NCSTN: variants seen among roughly 807,000 people sequenced by gnomAD.
NCSTN encodes the protein nicastrin.
A neutral mutation model predicts 87.0 loss-of-function variants in NCSTN; 22 were observed. The ratio of observed to expected loss-of-function variants is 0.25; its 90% CI spans 0.18 to 0.36. The LOEUF is 0.36. Ranked by LOEUF, NCSTN falls within the 10% of genes least tolerant of loss-of-function variation. The pLI is 1.00. For synonymous variants in NCSTN, 306 were observed against 327.1 expected (o/e 0.94, Z 0.69); for missense variants, 693 against 883.3 (o/e 0.78, Z 2.73).
intron 1 of NCSTN, chr1:160,344,378 A>T (rs1557880944): frequency 1.7e-6 from 2 of 1,173,072 alleles, no homozygotes; most frequent in Non-Finnish European, 2.3e-6. Context: ...TAATATACAT[A>T]CAGGATATAC....
chr1:160,343,629 A>T (rs1648247512), intron 1 of NCSTN, 148 bp downstream of exon 1: 2 of 832,128 alleles, frequency 2.4e-6, no homozygotes, highest in Non-Finnish European at 4.1e-6. Flanking sequence ...CCCACGACAG[A>T]AGTTCCCCCT....
intron 5 of NCSTN, 24 bp downstream of exon 5, chr1:160,350,274 C>A (rs1381432690): frequency 1.9e-6 from 3 of 1,612,382 alleles, no homozygotes; most frequent in African/African-American, 2.7e-5. Context: ...CAGCTCCTAG[C>A]AATTCCAGTT....
intron 2 of NCSTN, 147 bp from the exon 3 acceptor site, chr1:160,348,852 C>G (rs1170024365): frequency 8.9e-7 from 1 of 1,126,870 alleles, no homozygotes; most frequent in Non-Finnish European, 1.3e-6. Flanking sequence ...GCTGGGGCAA[C>G]AGCTTTTCAG....
At chr1:160,346,023 T>C (rs890036441) in intron 2 of NCSTN, among the ~76,000 whole-genome samples, 15 of 151,388 alleles carry the variant, frequency 9.9e-5, no homozygotes, top group African/African-American at 3.6e-4. Context: ...TTTTTAAAAC[T>C]TTTTTTCCTT....
intron 9 of NCSTN, 51 bp downstream of exon 9, chr1:160,353,042 T>TTGTTGTTC: frequency 6.3e-7 from 1 of 1,590,212 alleles, no homozygotes; most frequent in Non-Finnish European, 8.6e-7. Context: ...TCTTCCTCCT[T>TTGTTGTTC]TGTTGTTCTG....
intron 13 of NCSTN, 126 bp downstream of exon 13, chr1:160,356,084 C>A: frequency 1.9e-6 from 2 of 1,072,866 alleles, no homozygotes; most frequent in South Asian, 1.3e-5. Context: ...ATGCCTCATG[C>A]CCCAGAGAGC....
intron 2 of NCSTN, among the ~76,000 whole-genome samples, chr1:160,347,889 CAGG>C (rs1416267708): frequency 1.1e-4 from 17 of 152,168 alleles, no homozygotes; most frequent in Non-Finnish European, 1.8e-4. Flanking sequence ...ACTGGGATTA[CAGG>C]CATGAGCCAC....
rs1482312986 is a variant in NCSTN, at chr1:160,355,935, A to G, written c.1528A>G (p.Thr510Ala). The G allele has an allele frequency of 8.7e-6, 14 of 1,614,036 alleles. No homozygotes were observed. The Middle Eastern group carries it at 5.0e-4, about 57-fold the overall frequency. The change falls in exon 13 of 17, where the codon ACA becomes GCA. Residue 510 changes from threonine (T) to alanine (A), a missense_variant. Transcript: ENST00000294785. ...TGCAGGAGGAACCAACTTCAGCGAC[A>G]CAGTTCAGGCTGATCCCCAAACGGT... ...ELAGGTNFSD[T>A]VQADPQTVTR...
In NCSTN at chr1:160,343,475, C is replaced by T. The variant is rs1362324068; in HGVS notation, c.79C>T (p.Leu27=). 3 of 1,608,550 alleles carry T rather than the reference C, an allele frequency of 1.9e-6. No homozygotes were observed. The African/African-American group carries it at 4.0e-5, about 21-fold the overall frequency. The change falls in exon 1 of 17, where the codon CTA becomes TTA. Residue 27 remains leucine (L), a synonymous_variant. Coordinates refer to ENST00000294785, the MANE Select transcript of NCSTN (RefSeq NM_015331.3). ...LLRLLSFCVL[L]AGLCRGNSVE... ...TCGCCTTCTGTCTTTCTGCGTCCTA[C>T]TAGCAGGTGAGGCCTCCCCGCCCGT...
chr1:160,344,632 T>C, intron 1 of NCSTN, 90 bp from the exon 2 acceptor site: 1 of 1,573,738 alleles, frequency 6.4e-7, no homozygotes, highest in Admixed American at 1.9e-5. Flanking sequence ...ATTAAATGAT[T>C]TACCCAAGCC....
intron 2 of NCSTN, among the ~76,000 whole-genome samples, chr1:160,347,766 CACTT>C (rs1447357486): frequency 6.6e-6 from 1 of 152,206 alleles, no homozygotes; most frequent in Non-Finnish European, 1.5e-5. Flanking sequence ...TGCACCATCA[CACTT>C]GGCTAATTTT....
intron 2 of NCSTN, among the ~76,000 whole-genome samples, chr1:160,348,551 G>T (rs916993981): frequency 6.6e-6 from 1 of 152,152 alleles, no homozygotes; most frequent in African/African-American, 2.4e-5. Context: ...CCCAAAAAGG[G>T]CAAAAGGAAT....
rs1264489315 is a variant in NCSTN at position 160,352,872 on chromosome 1, AC to A, written c.997-13del. ...GGAATCTCTGTTCCCCCTCCCACCT[AC>A]CTCCATCTCTCAGGAAACTTTTGAC... On this transcript the variant is annotated splice_polypyrimidine_tract_variant and intron_variant, in intron 8 of 16. Transcript: ENST00000294785. The A allele has an allele frequency of 6.2e-7, 1 of 1,602,554 alleles. No homozygotes were observed. Among genetic ancestry groups the A allele is most frequent in the South Asian group, 1.1e-5 (1 of 90,840 alleles).
In NCSTN at chr1:160,349,466, C is replaced by A. The variant is rs748685031; in HGVS notation, c.315-83C>A. On this transcript the variant is annotated intron_variant, in intron 3 of 16. Coordinates refer to ENST00000294785, the MANE Select transcript of NCSTN (RefSeq NM_015331.3). ...CAACAGTTTGATTCCCCTAGTTCCCCATTTGTTTCCATCCTGCAGGCAGAA... is the reference window on the plus strand; with the variant it reads ...CAACAGTTTGATTCCCCTAGTTCCCAATTTGTTTCCATCCTGCAGGCAGAA... The A allele has an allele frequency of 3.2e-6, 5 of 1,556,294 alleles. No individual in the cohort carries two copies. In the East Asian group the frequency reaches 1.1e-4, roughly 35 times the overall value.
At chr1:160,351,080 A>T (rs1648810572) in intron 5 of NCSTN, 142 bp from the exon 6 acceptor site, 2 of 864,112 alleles carry the variant, frequency 2.3e-6, no homozygotes, top group Non-Finnish European at 3.9e-6. Flanking sequence ...TGGTTCTAGG[A>T]TAACTATAGC....
At chr1:160,354,389 C>G (rs570611823) in intron 11 of NCSTN, 99 bp downstream of exon 11, 16 of 1,285,712 alleles carry the variant, frequency 1.2e-5, no homozygotes, top group Admixed American at 3.4e-5. Flanking sequence ...CACACTACCC[C>G]CTCCAGAACT....
chr1:160,352,163 T>G lies in NCSTN; in HGVS notation c.953T>G (p.Val318Gly). 1 of 1,614,230 alleles carries G rather than the reference T, an allele frequency of 6.2e-7. No homozygotes were observed. The highest frequency in any genetic ancestry group is 8.5e-7 in the Non-Finnish European group (1 of 1,180,028). Residue 318 changes from valine to glycine, a missense_variant, in exon 8 of 17, where the codon GTG becomes GGG. Around this residue, in one of 4 missense-constraint regions of NCSTN, gnomAD observed 134 missense variants for 226.0 expected, o/e 0.59. Transcript: ENST00000294785. Reference protein sequence around the residue: ...AAEALQKAPDVTTLPRNVMFV... With the variant: ...AAEALQKAPDGTTLPRNVMFV... ...GAAGCTTTGCAAAAGGCACCTGATGTGACCACCCTGCCCCGCAATGTCATG... is the reference window on the plus strand; with the variant it reads ...GAAGCTTTGCAAAAGGCACCTGATGGGACCACCCTGCCCCGCAATGTCATG...
Position 160,351,363 on chromosome 1 carries a change from A to T in NCSTN, c.724A>T (p.Ile242Phe). 1 of 1,614,216 alleles carries T rather than the reference A, an allele frequency of 6.2e-7. No individual in the cohort carries two copies. Among genetic ancestry groups the T allele is most frequent in the Non-Finnish European group, 8.5e-7 (1 of 1,180,040 alleles). The change falls in exon 6 of 17, where the codon ATC (isoleucine) becomes TTC (phenylalanine). Residue 242 changes from isoleucine to phenylalanine, a missense_variant. Physicochemically the swap from Ile to Phe is conservative, Grantham distance 21. This residue lies in a region of NCSTN where 134 missense variants were observed against 226.0 expected (regional missense o/e 0.59). Coordinates refer to ENST00000294785, the MANE Select transcript of NCSTN (RefSeq NM_015331.3). ...CAGCTCCATCCAAAGCACCTTCAGC[A>T]TCAACCCAGGTAGGGCAGATCCGAA... ...RRSSIQSTFS[I>F]NPEIVCDPLS...
At chr1:160,350,045 G>C in intron 4 of NCSTN, 60 bp from the exon 5 acceptor site, 1 of 1,577,664 alleles carries the variant, frequency 6.3e-7, no homozygotes, top group Non-Finnish European at 8.7e-7. Context: ...GCCGTCACCT[G>C]GTTCCTAAGT....
Sources: gnomAD v4.1 joint callset for allele counts (sites outside exome capture counted in the v4.1 genomes callset) on GRCh38, gnomAD v4.1.1 for gene constraint, gnomAD v4.1.1 regional missense constraint, MANE v1.5 for transcripts, NCBI Gene and HGNC (gene_info 2026-07-23, HGNC 2026-07-21) for gene names.